SMARCA5: variants seen among roughly 807,000 people sequenced by gnomAD.
The protein encoded by SMARCA5 is SNF2 related chromatin remodeling ATPase 5.
In SMARCA5, 18 loss-of-function variants were observed where a neutral mutation model predicts 140.4. The observed-to-expected ratio is 0.13, with a 90% CI of 0.09 to 0.19. The LOEUF is 0.19. Among genes scored for constraint, SMARCA5 ranks in the 10% least tolerant of loss-of-function variants. The pLI is 1.00. For missense variants in SMARCA5, 606 were observed against 1,276.8 expected (o/e 0.47, Z 8.01); for synonymous variants, 449 against 419.6 (o/e 1.07, Z -0.86).
rs1354936798 is a variant in SMARCA5, at chr4:143,543,920, C to T, written c.2120C>T (p.Thr707Ile). 2 of 1,606,994 alleles carry T rather than the reference C, an allele frequency of 1.2e-6. No individual in the cohort carries two copies. Among genetic ancestry groups the T allele is most frequent in the Admixed American group, 3.4e-5 (2 of 59,298 alleles). The change falls in exon 16 of 24, where the codon ACA becomes ATA. Residue 707 changes from threonine (T) to isoleucine (I), a missense_variant. Physicochemically the swap from Thr to Ile is moderately conservative, Grantham distance 89. Transcript: ENST00000283131. ...ESSLRNFTMD[T>I]ESSVYNFEGE... The stretch of plus-strand genomic sequence containing the variant: ...TCACTTAGAAACTTTACAATGGATA[C>T]AGAGTCAAGTGTTTATAACTTCGAA...
chr4:143,540,781 C>G (rs1210438199), intron 14 of SMARCA5, among the ~76,000 whole-genome samples: 2 of 152,028 alleles, frequency 1.3e-5, no homozygotes, highest in Non-Finnish European at 2.9e-5. Context: ...AATAACTACA[C>G]TTAAGGATTT....
chr4:143,545,102 C>G (rs1737497429), intron 17 of SMARCA5, among the ~76,000 whole-genome samples: 1 of 152,032 alleles, frequency 6.6e-6, no homozygotes, highest in African/African-American at 2.4e-5. Context: ...ACCACCACCC[C>G]TGGCTAATTT....
chr4:143,542,467 G>A (rs562385306), intron 14 of SMARCA5, among the ~76,000 whole-genome samples: 1 of 152,276 alleles, frequency 6.6e-6, no homozygotes, highest in South Asian at 2.1e-4. Flanking sequence ...CATTTTGGTA[G>A]CAATGGTAGC....
chr4:143,550,016 A>G lies in SMARCA5; in HGVS notation c.3005A>G (p.Asn1002Ser). The change falls in exon 23 of 24, where the codon AAT becomes AGT. Residue 1002 changes from asparagine (N) to serine (S), a missense_variant. By Grantham distance (46) the Asn-to-Ser change is conservative. Around this residue, in one of 10 missense-constraint regions of SMARCA5, gnomAD observed 40 missense variants for 59.8 expected, o/e 0.67. Transcript: ENST00000283131. ...RTAMELQRRC[N>S]TLITLIEREN... Reference sequence around the variant, plus strand: ...ATTTAGGAGCTCCAGAGGAGATGTAATACCTTAATTACTTTGATTGAAAGA... The same window carrying G: ...ATTTAGGAGCTCCAGAGGAGATGTAGTACCTTAATTACTTTGATTGAAAGA... 2 of 1,594,420 alleles carry G rather than the reference A, an allele frequency of 1.3e-6. No individual in the cohort carries two copies. The highest frequency in any genetic ancestry group is 1.7e-6 in the Non-Finnish European group (2 of 1,167,136).
At chr4:143,545,029 G>C (rs2149824301) in intron 17 of SMARCA5, among the ~76,000 whole-genome samples, 182 bp downstream of exon 17, 1 of 142,912 alleles carries the variant, frequency 7.0e-6, no homozygotes, top group African/African-American at 2.6e-5. Flanking sequence ...TGCAACCTCC[G>C]CCTCCCGGGT....
intron 14 of SMARCA5, 115 bp downstream of exon 14, chr4:143,540,610 C>A: frequency 1.1e-6 from 1 of 930,394 alleles, no homozygotes; most frequent in Non-Finnish European, 1.6e-6. Context: ...AGCTTGCAGC[C>A]AGTAGAGATG....
intron 3 of SMARCA5, 80 bp downstream of exon 3, chr4:143,521,675 A>G: frequency 1.7e-6 from 2 of 1,207,880 alleles, no homozygotes; most frequent in Non-Finnish European, 2.3e-6. Context: ...TCACTATGAT[A>G]AATAACTTAA....
rs1737721563 is a variant in SMARCA5, at chr4:143,555,129, C to T, written c.*1945C>T. The T allele has an allele frequency of 8.7e-6, 6 of 692,590 alleles. No homozygotes were observed. Among genetic ancestry groups the T allele is most frequent in the Non-Finnish European group, 1.3e-5 (5 of 373,216 alleles). The allele number at this position is 692,590 out of a possible 1,614,324, so 42.9% of individuals were successfully genotyped here. ...CAGCTACTACTGCTACTGGAACTGC[C>T]TTAACCACTACTGCTACTGGAACTG... On this transcript the variant is annotated 3_prime_UTR_variant, in exon 24 of 24. Coordinates refer to ENST00000283131, the MANE Select transcript of SMARCA5 (RefSeq NM_003601.4).
chr4:143,530,644 T>C (rs1737165268), intron 9 of SMARCA5, 118 bp downstream of exon 9: 2 of 635,516 alleles, frequency 3.1e-6, no homozygotes, highest in Non-Finnish European at 5.4e-6. Context: ...TCAGATCTGC[T>C]TGAATTCTGA....
intron 9 of SMARCA5, among the ~76,000 whole-genome samples, chr4:143,534,556 G>A (rs1159584824): frequency 6.6e-6 from 1 of 152,122 alleles, no homozygotes; most frequent in Non-Finnish European, 1.5e-5. Context: ...ATTATTATAA[G>A]TAATCTAGAG....
chr4:143,537,229 G>A (rs1424885840), intron 11 of SMARCA5, among the ~76,000 whole-genome samples: 2 of 152,168 alleles, frequency 1.3e-5, no homozygotes, highest in East Asian at 1.9e-4. Context: ...TAATAAAAAC[G>A]TTTTTAGTCT....
intron 9 of SMARCA5, among the ~76,000 whole-genome samples, chr4:143,531,508 G>A (rs1737181694): frequency 1.3e-5 from 2 of 152,176 alleles, no homozygotes; most frequent in South Asian, 2.1e-4. Context: ...GAGGGGTAAG[G>A]AGAGAGGGGA....
chr4:143,517,857 A>T (rs181718943), intron 2 of SMARCA5, among the ~76,000 whole-genome samples: 34 of 152,286 alleles, frequency 2.2e-4, no homozygotes, highest in Admixed American at 2.2e-3. Context: ...TGTCTGTTTA[A>T]TTTTTGTAAT....
intron 1 of SMARCA5, among the ~76,000 whole-genome samples, chr4:143,514,987 G>T (rs1438293416): frequency 6.6e-6 from 1 of 152,160 alleles, no homozygotes; most frequent in Non-Finnish European, 1.5e-5. Flanking sequence ...GGGTAAATTG[G>T]ATATGCTTCC....
At chr4:143,540,139 C>T (rs1450482265) in intron 13 of SMARCA5, among the ~76,000 whole-genome samples, 2 of 152,128 alleles carry the variant, frequency 1.3e-5, no homozygotes, top group African/African-American at 4.8e-5. Context: ...CTTTCCTCAT[C>T]AGACTTAAAA....
At chr4:143,526,209 A>G (rs535304603) in intron 5 of SMARCA5, 72 bp from the exon 6 acceptor site, 144 of 1,174,328 alleles carry the variant, frequency 1.2e-4, no homozygotes, top group Middle Eastern at 1.1e-3. Flanking sequence ...ACATTTCTAT[A>G]TGTTGGGAGG....
intron 4 of SMARCA5, among the ~76,000 whole-genome samples, chr4:143,525,007 A>G (rs1047063941): frequency 6.6e-6 from 1 of 151,994 alleles, no homozygotes; most frequent in African/African-American, 2.4e-5. Context: ...TGGAATGTAT[A>G]AGATATATTG....
At chr4:143,537,045 A>G (rs3924845) in intron 11 of SMARCA5, among the ~76,000 whole-genome samples, 81,458 of 151,900 alleles carry the variant, frequency 0.54, 22,177 homozygotes, top group Middle Eastern at 0.64. Flanking sequence ...TTGTTTTTTA[A>G]TTATTTATGT....
At chr4:143,547,007 A>C in intron 20 of SMARCA5, 99 bp downstream of exon 20, 1 of 1,058,520 alleles carries the variant, frequency 9.4e-7, no homozygotes, top group Non-Finnish European at 1.4e-6. Context: ...ATTTTGTCAC[A>C]GTGTAGTTAG....
Sources: gnomAD v4.1 joint callset for allele counts (sites outside exome capture counted in the v4.1 genomes callset) on GRCh38, gnomAD v4.1.1 for gene constraint, gnomAD v4.1.1 regional missense constraint, MANE v1.5 for transcripts, NCBI Gene and HGNC (gene_info 2026-07-23, HGNC 2026-07-21) for gene names.